The following BRINP2 variants were observed in gnomAD, a reference collection of about 807,000 sequenced individuals.
BRINP2 encodes the protein BMP/retinoic acid inducible neural specific 2, also known as BMP/retinoic acid-inducible neural-specific protein 2.
In BRINP2, 21 loss-of-function variants were observed where a neutral mutation model predicts 69.2. That is an observed-to-expected ratio of 0.30 (90% CI 0.22 to 0.44). The LOEUF is 0.44. Among genes scored for constraint, BRINP2 ranks in the 20% least tolerant of loss-of-function variants. The probability of loss-of-function intolerance (pLI) is 1.00; values close to 1 mark genes in which losing one functional copy is unlikely to be tolerated. For missense variants in BRINP2, 877 were observed against 986.0 expected (o/e 0.89, Z 1.48); for synonymous variants, 380 against 394.1 (o/e 0.96, Z 0.42).
chr1:177,194,351 ATTGT>A (rs1648675516), intron 1 of BRINP2, among the ~76,000 whole-genome samples: 1 of 152,130 alleles, frequency 6.6e-6, no homozygotes, highest in Non-Finnish European at 1.5e-5. Context: ...TCACTTTGCC[ATTGT>A]TTGTTATCCA....
At chr1:177,215,007 A>G (rs1211368135) in intron 1 of BRINP2, among the ~76,000 whole-genome samples, 3 of 152,166 alleles carry the variant, frequency 2.0e-5, no homozygotes, top group African/African-American at 7.2e-5. Flanking sequence ...AAAAAAATCA[A>G]ACTTATTTCT....
intron 1 of BRINP2, among the ~76,000 whole-genome samples, chr1:177,218,257 AG>A (rs912049972): frequency 3.3e-5 from 5 of 151,952 alleles, no homozygotes; most frequent in Non-Finnish European, 7.4e-5. Context: ...AATTTGCTGC[AG>A]GGGGTCTTCT....
intron 1 of BRINP2, among the ~76,000 whole-genome samples, chr1:177,228,754 G>A (rs781749707): frequency 6.6e-6 from 1 of 152,224 alleles, no homozygotes; most frequent in Non-Finnish European, 1.5e-5. Context: ...AAGCCCCACA[G>A]TACTGAACGG....
intron 2 of BRINP2, among the ~76,000 whole-genome samples, chr1:177,230,627 T>G (rs555822759): frequency 2.0e-5 from 3 of 152,344 alleles, no homozygotes; most frequent in African/African-American, 7.2e-5. Flanking sequence ...AACCTGTCCT[T>G]ACCCTTGTCA....
chr1:177,259,624 G>A (rs997955739), intron 4 of BRINP2, among the ~76,000 whole-genome samples: 1 of 152,182 alleles, frequency 6.6e-6, no homozygotes, highest in African/African-American at 2.4e-5. Flanking sequence ...GGCTAATATA[G>A]CTGGTCACTT....
At chr1:177,188,169 T>C (rs1482405828) in intron 1 of BRINP2, among the ~76,000 whole-genome samples, 4 of 152,264 alleles carry the variant, frequency 2.6e-5, no homozygotes, top group African/African-American at 9.6e-5. Flanking sequence ...GTGACTTCTT[T>C]ACAGCAGGTA....
chr1:177,268,038 T>G (rs192135036), intron 4 of BRINP2, among the ~76,000 whole-genome samples: 1 of 152,300 alleles, frequency 6.6e-6, no homozygotes. Flanking sequence ...CCTTCTTCTC[T>G]TCAAGTTTTC....
At chr1:177,255,844 T>C (rs1650738577) in intron 2 of BRINP2, 75 bp from the exon 3 acceptor site, 1 of 1,447,210 alleles carries the variant, frequency 6.9e-7, no homozygotes. Context: ...AGGAAGAACA[T>C]TACCTACTTC....
At chr1:177,273,426 G>A (rs968849807) in intron 4 of BRINP2, 62 bp from the exon 5 acceptor site, 3 of 1,090,498 alleles carry the variant, frequency 2.8e-6, no homozygotes, top group South Asian at 2.9e-5. Flanking sequence ...GCTGGAGAAG[G>A]GAAGTATAAA....
chr1:177,276,374 G>A lies in BRINP2; in HGVS notation c.952G>A (p.Asp318Asn). Residue 318 changes from aspartate to asparagine, a missense_variant, in exon 6 of 8, where the codon GAC becomes AAC. Asp to Asn is a conservative substitution (Grantham distance 23, BLOSUM62 1). Coordinates refer to ENST00000361539, the MANE Select transcript of BRINP2 (RefSeq NM_021165.4). ...CPDADIQAMEDSLLQIQDSWA... is the reference protein window; with the variant it reads ...CPDADIQAMENSLLQIQDSWA... ...TGATGCTGACATCCAGGCCATGGAG[G>A]ACAGCCTGCTGCAGATCCAGGACTC... 1 of 1,614,200 alleles carries A rather than the reference G, an allele frequency of 6.2e-7. No homozygotes were observed. Among genetic ancestry groups the A allele is most frequent in the Non-Finnish European group, 8.5e-7 (1 of 1,180,030 alleles).
intron 1 of BRINP2, among the ~76,000 whole-genome samples, chr1:177,208,475 C>G (rs974080582): frequency 6.6e-6 from 1 of 152,204 alleles, no homozygotes; most frequent in Non-Finnish European, 1.5e-5. Flanking sequence ...TCCTTATCCC[C>G]TGGTGTGGTG....
intron 2 of BRINP2, among the ~76,000 whole-genome samples, chr1:177,235,089 A>G (rs1649977447): frequency 6.6e-6 from 1 of 152,222 alleles, no homozygotes. Context: ...ACCTCACAGC[A>G]TGCTCAAAGT....
chr1:177,173,921 GT>G lies in BRINP2; in HGVS notation c.-77+2193del, dbSNP rs1390126653. ...GTTGAGGTTTCCTGGTTAGTGTTTT[GT>G]TTTCCCCACTGCGCAGTGTATTTTT... is the stretch of plus-strand genomic sequence containing the variant. On this transcript the variant is annotated intron_variant, in intron 1 of 7. Transcript: ENST00000361539. 1.3e-3 allele frequency among the ~76,000 whole-genome samples: 200 copies of G among 152,220 alleles called. 1 individual carries two copies. The highest frequency in any genetic ancestry group is 5.0e-4 in the Non-Finnish European group (34 of 68,006).
chr1:177,211,693 C>T (rs545126088), intron 1 of BRINP2, among the ~76,000 whole-genome samples: 2 of 152,220 alleles, frequency 1.3e-5, no homozygotes, highest in Admixed American at 1.3e-4. Context: ...TCAGCTGGCA[C>T]ATGATTTTTA....
At chr1:177,172,949 T>A (rs911408191) in intron 1 of BRINP2, among the ~76,000 whole-genome samples, 3 of 152,170 alleles carry the variant, frequency 2.0e-5, no homozygotes, top group African/African-American at 7.2e-5. Flanking sequence ...TCTCCAGACA[T>A]GTGCATGTTG....
chr1:177,272,110 T>A (rs1651346913), intron 4 of BRINP2, among the ~76,000 whole-genome samples: 1 of 152,220 alleles, frequency 6.6e-6, no homozygotes, highest in African/African-American at 2.4e-5. Context: ...CTTCTCCTTT[T>A]CCTTGTAGTA....
chr1:177,254,227 A>G (rs755697558), intron 2 of BRINP2, among the ~76,000 whole-genome samples: 2 of 152,144 alleles, frequency 1.3e-5, no homozygotes, highest in Non-Finnish European at 2.9e-5. Flanking sequence ...CGCTTAGTCT[A>G]TTTCAGAGTG....
chr1:177,212,784 G>C (rs1649265119), intron 1 of BRINP2, among the ~76,000 whole-genome samples: 1 of 152,090 alleles, frequency 6.6e-6, no homozygotes, highest in African/African-American at 2.4e-5. Context: ...ACAAAAAAAT[G>C]TTCCAGGCTC....
chr1:177,279,706 A>G (rs1231957449), intron 7 of BRINP2, among the ~76,000 whole-genome samples: 2 of 152,214 alleles, frequency 1.3e-5, no homozygotes, highest in Non-Finnish European at 2.9e-5. Flanking sequence ...AACAATTCTC[A>G]TTTCTGAGAA....
Sources: gnomAD v4.1 joint callset for allele counts (sites outside exome capture counted in the v4.1 genomes callset) on GRCh38, gnomAD v4.1.1 for gene constraint, MANE v1.5 for transcripts, NCBI Gene and HGNC (gene_info 2026-07-23, HGNC 2026-07-21) for gene names.